The following PRELID2 variants were observed in gnomAD, a reference collection of about 807,000 sequenced individuals.
PRELID2 encodes the protein PRELI domain containing 2, also known as PRELI domain-containing protein 2.
PRELID2 carries 25 observed loss-of-function variants against 28.4 expected under a neutral mutation model. The ratio of observed to expected loss-of-function variants is 0.88; its 90% CI spans 0.64 to 1.23. The LOEUF (loss-of-function observed/expected upper bound fraction) is 1.23, where lower values mean the gene tolerates loss of function less well. PRELID2 is among the 50% of genes most tolerant of loss of function. The pLI is 0.00. For synonymous variants in PRELID2, 76 were observed against 71.6 expected (o/e 1.06, Z -0.31); for missense variants, 201 against 214.4 (o/e 0.94, Z 0.39).
chr5:145,734,326 A>G (rs1756433719), intron 1 of PRELID2, among the ~76,000 whole-genome samples: 1 of 152,180 alleles, frequency 6.6e-6, no homozygotes, highest in Non-Finnish European at 1.5e-5. Context: ...AGACTCCAGT[A>G]CTTTGGTAAG....
chr5:145,604,452 A>G (rs1411340115), intron 1 of PRELID2, among the ~76,000 whole-genome samples: 1 of 152,106 alleles, frequency 6.6e-6, no homozygotes, highest in Non-Finnish European at 1.5e-5. Flanking sequence ...TGGAGTATAT[A>G]TACCACATTT....
At chr5:145,388,642 T>C in the PRELID2 span, among the ~76,000 whole-genome samples, 1 of 152,166 alleles carries the variant, frequency 6.6e-6, no homozygotes, top group African/African-American at 2.4e-5. Flanking sequence ...TTTAAGCACA[T>C]TGGCTTTTTT....
intron 1 of PRELID2, among the ~76,000 whole-genome samples, chr5:145,619,873 AAAT>A (rs1431384318): frequency 6.6e-6 from 1 of 152,258 alleles, no homozygotes; most frequent in Admixed American, 6.5e-5. Context: ...TATGAAAATC[AAAT>A]AATAATAGAG....
chr5:145,536,639 A>G (rs1183016612), intron 1 of PRELID2, among the ~76,000 whole-genome samples: 1 of 151,880 alleles, frequency 6.6e-6, no homozygotes, highest in Non-Finnish European at 1.5e-5. Flanking sequence ...CCTCCCTCGG[A>G]GTCCATAGGG....
intron 5 of PRELID2, among the ~76,000 whole-genome samples, chr5:145,774,849 G>C (rs537996745): frequency 2.6e-4 from 39 of 152,308 alleles, no homozygotes; most frequent in African/African-American, 9.1e-4. Context: ...CACATTACAT[G>C]CCTTCACCCT....
chr5:145,247,265 A>G, the PRELID2 span, among the ~76,000 whole-genome samples: 106 of 152,242 alleles, frequency 7.0e-4, no homozygotes, highest in Non-Finnish European at 1.2e-3. Flanking sequence ...TCACCAAATT[A>G]TCTTTAAAAA....
At chr5:145,506,638 C>T (rs1307637250) in intron 1 of PRELID2, among the ~76,000 whole-genome samples, 1 of 152,122 alleles carries the variant, frequency 6.6e-6, no homozygotes, top group East Asian at 1.9e-4. Context: ...TTCAATCAAG[C>T]CCAACATTAA....
intron 5 of PRELID2, among the ~76,000 whole-genome samples, chr5:145,781,336 A>G (rs1751572754): frequency 6.6e-6 from 1 of 152,166 alleles, no homozygotes; most frequent in Admixed American, 6.6e-5. Flanking sequence ...TTTACAATTC[A>G]AGTAGCTCTA....
intron 1 of PRELID2, among the ~76,000 whole-genome samples, chr5:145,718,148 G>A (rs1755891331): frequency 1.3e-5 from 2 of 151,910 alleles, no homozygotes; most frequent in Admixed American, 6.6e-5. Context: ...GGCATTATCT[G>A]TAGATTACAT....
chr5:145,540,440 C>A (rs1752736531), intron 1 of PRELID2, among the ~76,000 whole-genome samples: 1 of 151,840 alleles, frequency 6.6e-6, no homozygotes, highest in Non-Finnish European at 1.5e-5. Flanking sequence ...CATAAAGGAA[C>A]AACTAAATAA....
At chr5:145,242,178 A>T in the PRELID2 span, among the ~76,000 whole-genome samples, 1 of 151,766 alleles carries the variant, frequency 6.6e-6, no homozygotes, top group Non-Finnish European at 1.5e-5. Context: ...ATATATATAC[A>T]TATATGAAAT....
At chr5:145,295,384 C>A in the PRELID2 span, among the ~76,000 whole-genome samples, 2 of 152,108 alleles carry the variant, frequency 1.3e-5, no homozygotes, top group African/African-American at 4.8e-5. Flanking sequence ...CAGTGTTACA[C>A]ACTTTCTAGT....
the PRELID2 span, among the ~76,000 whole-genome samples, chr5:145,370,707 C>T: frequency 1.8e-3 from 274 of 151,970 alleles, 2 homozygotes; most frequent in African/African-American, 6.2e-3. Flanking sequence ...TAAGTTAGTT[C>T]GGGCAAAATG....
At chr5:145,417,173 A>G in the PRELID2 span, among the ~76,000 whole-genome samples, 1 of 152,154 alleles carries the variant, frequency 6.6e-6, no homozygotes, top group African/African-American at 2.4e-5. Flanking sequence ...TCCTAGACAC[A>G]TACACCCTCC....
At chr5:145,331,399 G>T in the PRELID2 span, among the ~76,000 whole-genome samples, 1 of 152,082 alleles carries the variant, frequency 6.6e-6, no homozygotes, top group Non-Finnish European at 1.5e-5. Flanking sequence ...TATTGTGTGG[G>T]AGTCTAAGTC....
intron 1 of PRELID2, among the ~76,000 whole-genome samples, chr5:145,486,005 C>G (rs1190085070): frequency 1.3e-5 from 2 of 152,172 alleles, no homozygotes; most frequent in African/African-American, 2.4e-5. Context: ...ATACGTACAC[C>G]TATTAACACA....
At chr5:145,470,701 T>C (rs1350288233), downstream of PRELID2, among the ~76,000 whole-genome samples, 1 of 152,090 alleles carries the variant, frequency 6.6e-6, no homozygotes, top group Non-Finnish European at 1.5e-5. Flanking sequence ...GACAGTCAAA[T>C]TATGAATAAT....
chr5:145,330,447 C>G, the PRELID2 span, among the ~76,000 whole-genome samples: 1 of 152,168 alleles, frequency 6.6e-6, no homozygotes, highest in Non-Finnish European at 1.5e-5. Context: ...GCCTCAATTT[C>G]AGAACTTGTT....
chr5:145,774,501 C>T (rs747677250), intron 5 of PRELID2, among the ~76,000 whole-genome samples: 1 of 152,190 alleles, frequency 6.6e-6, no homozygotes, highest in Non-Finnish European at 1.5e-5. Flanking sequence ...CTTCCCATGT[C>T]CTAAAAAGTA....
Sources: gnomAD v4.1 joint callset for allele counts (sites outside exome capture counted in the v4.1 genomes callset) on GRCh38, gnomAD v4.1.1 for gene constraint, MANE v1.5 for transcripts, NCBI Gene and HGNC (gene_info 2026-07-23, HGNC 2026-07-21) for gene names.